The following VCL variants were observed in gnomAD, a reference collection of about 807,000 sequenced individuals.
VCL encodes vinculin, also known as epididymis luminal protein 114.
Under a neutral mutation model 125.7 loss-of-function variants are expected in VCL, and 47 were observed. The ratio of observed to expected loss-of-function variants is 0.37; its 90% CI spans 0.30 to 0.48. The LOEUF (loss-of-function observed/expected upper bound fraction) is 0.48, where lower values mean the gene tolerates loss of function less well. VCL is among the 20% of genes least tolerant of loss of function. VCL has a pLI of 0.99. For missense variants in VCL, 1,069 were observed against 1,455.5 expected (o/e 0.73, Z 4.32); for synonymous variants, 458 against 514.6 (o/e 0.89, Z 1.49).
At chr10:74,008,432 T>C (rs981990277) in intron 1 of VCL, among the ~76,000 whole-genome samples, 12 of 152,244 alleles carry the variant, frequency 7.9e-5, no homozygotes. Context: ...ACCTTCTATC[T>C]GAAAGTGGCG....
intron 1 of VCL, among the ~76,000 whole-genome samples, chr10:74,029,889 G>T (rs1198470413): frequency 2.6e-5 from 4 of 152,074 alleles, no homozygotes; most frequent in Admixed American, 6.6e-5. Context: ...TATAGAAAAG[G>T]ATTAAGAAGA....
chr10:74,024,474 G>C (rs1205344198), intron 1 of VCL, among the ~76,000 whole-genome samples: 1 of 152,136 alleles, frequency 6.6e-6, no homozygotes, highest in East Asian at 1.9e-4. Flanking sequence ...AGCCGGGCAT[G>C]GTGGCAGGCG....
chr10:74,011,585 A>G (rs556530970), intron 1 of VCL, among the ~76,000 whole-genome samples: 27 of 152,230 alleles, frequency 1.8e-4, no homozygotes, highest in African/African-American at 6.3e-4. Flanking sequence ...TATACCAGCT[A>G]GTCATTTTAG....
At chr10:74,009,868 A>G (rs974114984) in intron 1 of VCL, among the ~76,000 whole-genome samples, 2 of 151,908 alleles carry the variant, frequency 1.3e-5, no homozygotes, top group Non-Finnish European at 2.9e-5. Flanking sequence ...TCGGCCTCCC[A>G]AAGTGTTGGG....
At chr10:74,115,145 T>C (rs140989024) in intron 21 of VCL, among the ~76,000 whole-genome samples, 53 of 152,022 alleles carry the variant, frequency 3.5e-4, no homozygotes, top group East Asian at 1.9e-3. Flanking sequence ...GGCGGGAGAA[T>C]TGCTTAAGCC....
intron 1 of VCL, among the ~76,000 whole-genome samples, chr10:74,028,320 G>A (rs972402411): frequency 1.3e-5 from 2 of 151,638 alleles, no homozygotes; most frequent in African/African-American, 4.8e-5. Flanking sequence ...CTGGCTTCAA[G>A]TGATCTTCCA....
At chr10:74,045,222 C>T (rs1228597221) in intron 2 of VCL, among the ~76,000 whole-genome samples, 1 of 150,172 alleles carries the variant, frequency 6.7e-6, no homozygotes, top group Non-Finnish European at 1.5e-5. Context: ...GAATGAATCT[C>T]AAAAATAATT....
chr10:74,068,473 T>C (rs1841610302), intron 2 of VCL, among the ~76,000 whole-genome samples: 2 of 152,124 alleles, frequency 1.3e-5, no homozygotes, highest in South Asian at 4.1e-4. Flanking sequence ...TACAGGCCCC[T>C]GCCACCATGC....
At chr10:74,031,022 C>G (rs1396976471) in intron 1 of VCL, among the ~76,000 whole-genome samples, 1 of 152,140 alleles carries the variant, frequency 6.6e-6, no homozygotes, top group African/African-American at 2.4e-5. Flanking sequence ...TACATATGTC[C>G]TAGAAATCCT....
At chr10:74,018,199 T>TATATATATATATATATATATATATATAA (rs1840594760) in intron 1 of VCL, among the ~76,000 whole-genome samples, 1 of 141,406 alleles carries the variant, frequency 7.1e-6, no homozygotes, top group Non-Finnish European at 1.5e-5. Flanking sequence ...TATATATATA[T>TATATATATATATATATATATATATATAA]ATAAATACAT....
chr10:74,065,683 C>CAAAA (rs34028366), intron 2 of VCL, among the ~76,000 whole-genome samples: 10 of 113,350 alleles, frequency 8.8e-5, no homozygotes, highest in African/African-American at 2.8e-4. Flanking sequence ...GACCCTGTCT[C>CAAAA]AAAAAAAAAA....
At chr10:74,103,765 T>C in intron 14 of VCL, 55 bp from the exon 15 acceptor site, 1 of 1,534,658 alleles carries the variant, frequency 6.5e-7, no homozygotes, top group Non-Finnish European at 9.0e-7. Context: ...GGCTGAAGGT[T>C]TGTATCTGGA....
At chr10:74,061,124 C>A (rs1173608411) in intron 2 of VCL, among the ~76,000 whole-genome samples, 1 of 152,066 alleles carries the variant, frequency 6.6e-6, no homozygotes, top group Non-Finnish European at 1.5e-5. Flanking sequence ...TCTTTAAATA[C>A]TTTTTAAAAA....
At position 74,071,725 on chromosome 10, in the gene VCL, G is replaced by T. The variant is rs4745731; in HGVS notation, c.499+642G>T. Among the ~76,000 whole-genome samples, 9,587 of 152,156 alleles carry T rather than the reference G, an allele frequency of 0.063. 1,041 individuals are homozygous for T. Among genetic ancestry groups the T allele is most frequent in the African/African-American group, 0.22 (9,000 of 41,486 alleles). The stretch of plus-strand genomic sequence containing the variant: ...GATGTTTAACCTGCTTAACTTGATT[G>T]TTATCACTTTATAAAATTCATTTGT... On this transcript the variant is annotated intron_variant, in intron 4 of 21. Coordinates refer to ENST00000211998, the MANE Select transcript of VCL (RefSeq NM_014000.3). The surrounding 1 kb of genome is among the most constrained non-coding windows in gnomAD (Gnocchi z 4.1).
chr10:74,008,711 A>G (rs1003757524), intron 1 of VCL, among the ~76,000 whole-genome samples: 4 of 152,128 alleles, frequency 2.6e-5, no homozygotes, highest in Non-Finnish European at 5.9e-5. Context: ...AGCGGGGTGT[A>G]TTTTTACATA....
chr10:74,059,392 C>T (rs1353445191), intron 2 of VCL, among the ~76,000 whole-genome samples: 1 of 151,424 alleles, frequency 6.6e-6, no homozygotes. Context: ...AAATCTCCTC[C>T]TGCTTTTGCA....
intron 2 of VCL, among the ~76,000 whole-genome samples, chr10:74,061,406 T>C (rs139952744): frequency 6.6e-6 from 1 of 152,356 alleles, no homozygotes; most frequent in East Asian, 1.9e-4. Context: ...ATTTTATTCC[T>C]GTAAACCTTT....
intron 21 of VCL, among the ~76,000 whole-genome samples, chr10:74,115,573 C>T (rs941241364): frequency 6.6e-6 from 1 of 152,088 alleles, no homozygotes; most frequent in African/African-American, 2.4e-5. Context: ...ATAAGTTTGG[C>T]TCTTTTGAGG....
At chr10:74,063,260 G>C (rs1841508308) in intron 2 of VCL, among the ~76,000 whole-genome samples, 1 of 152,156 alleles carries the variant, frequency 6.6e-6, no homozygotes, top group South Asian at 2.1e-4. Context: ...ATGCCTTCTT[G>C]TATACCTGAT....
Sources: allele counts gnomAD v4.1 joint callset (sites outside exome capture counted in the v4.1 genomes callset), GRCh38; gene constraint gnomAD v4.1.1; non-coding constraint Gnocchi (gnomAD v3.1); transcripts MANE v1.5; gene names NCBI Gene and HGNC (gene_info 2026-07-23, HGNC 2026-07-21).